CALD1: variants seen among roughly 807,000 people sequenced by gnomAD.
The protein encoded by CALD1 is caldesmon.
Under a neutral mutation model 99.9 loss-of-function variants are expected in CALD1, and 33 were observed. The ratio of observed to expected loss-of-function variants is 0.33; its 90% CI spans 0.25 to 0.44. The LOEUF (loss-of-function observed/expected upper bound fraction) is 0.44. CALD1 is among the 20% of genes least tolerant of loss of function. The pLI is 1.00. For synonymous variants in CALD1, 310 were observed against 325.0 expected (o/e 0.95, Z 0.50); for missense variants, 861 against 962.1 (o/e 0.89, Z 1.39).
chr7:134,963,848 C>T (rs1808460387), intron 13 of CALD1, among the ~76,000 whole-genome samples: 1 of 152,128 alleles, frequency 6.6e-6, no homozygotes, highest in Admixed American at 6.5e-5. Context: ...TCTGAATTAC[C>T]CACTTGCCCC....
intron 9 of CALD1, among the ~76,000 whole-genome samples, chr7:134,957,729 T>TA (rs1342166596): frequency 6.6e-6 from 1 of 152,212 alleles, no homozygotes; most frequent in African/African-American, 2.4e-5. Context: ...CCAATTATGT[T>TA]AGTCTTAAAC....
chr7:134,928,476 G>C (rs1805229630), intron 3 of CALD1, among the ~76,000 whole-genome samples: 1 of 149,202 alleles, frequency 6.7e-6, no homozygotes, highest in South Asian at 2.1e-4. Context: ...AGTTTCCAAA[G>C]GCAACTTGCT....
the CALD1 span, among the ~76,000 whole-genome samples, chr7:134,733,596 C>T: frequency 6.6e-6 from 1 of 151,978 alleles, no homozygotes; most frequent in Non-Finnish European, 1.5e-5. Context: ...ATCATGAGGT[C>T]AGGAGATCGA....
At chr7:134,816,497 C>G (rs2131969650) in intron 1 of CALD1, among the ~76,000 whole-genome samples, 1 of 152,322 alleles carries the variant, frequency 6.6e-6, no homozygotes, top group Non-Finnish European at 1.5e-5. Context: ...CTTATGACAT[C>G]ATTCTTAGAT....
chr7:134,804,140 A>G (rs1365782158), intron 1 of CALD1, among the ~76,000 whole-genome samples: 1 of 152,246 alleles, frequency 6.6e-6, no homozygotes, highest in Non-Finnish European at 1.5e-5. Flanking sequence ...ATAAGGATTT[A>G]GTACATTCAT....
the CALD1 span, among the ~76,000 whole-genome samples, chr7:134,726,971 GC>G: frequency 6.6e-6 from 1 of 152,122 alleles, no homozygotes; most frequent in Non-Finnish European, 1.5e-5. Flanking sequence ...CAGTACTGCC[GC>G]CAACCTCCAG....
intron 11 of CALD1, 58 bp from the exon 12 acceptor site, chr7:134,959,916 T>C (rs932594189): frequency 7.6e-6 from 12 of 1,569,220 alleles, no homozygotes; most frequent in Non-Finnish European, 9.5e-6. Context: ...AAACTCACTA[T>C]AATTTTATGA....
At chr7:134,757,640 G>A (rs894406781) in intron 1 of CALD1, among the ~76,000 whole-genome samples, 1 of 152,046 alleles carries the variant, frequency 6.6e-6, no homozygotes, top group African/African-American at 2.4e-5. Flanking sequence ...CAGCACTTTG[G>A]GAGGCCGAGG....
intron 9 of CALD1, among the ~76,000 whole-genome samples, chr7:134,950,973 A>C (rs1347677971): frequency 6.6e-6 from 1 of 152,068 alleles, no homozygotes; most frequent in Non-Finnish European, 1.5e-5. Flanking sequence ...TTTATCACTC[A>C]CAGTTTTGGA....
chr7:134,921,388 G>A (rs1056620832), intron 3 of CALD1, among the ~76,000 whole-genome samples: 1 of 152,168 alleles, frequency 6.6e-6, no homozygotes, highest in Non-Finnish European at 1.5e-5. Context: ...TAAGATGTTA[G>A]AAACCATTGC....
At chr7:134,876,490 G>A (rs2218989) in intron 3 of CALD1, among the ~76,000 whole-genome samples, 65,267 of 152,034 alleles carry the variant, frequency 0.43, 14,755 homozygotes, top group African/African-American at 0.58. Context: ...TATGGATAAT[G>A]TTTCTAAATA....
chr7:134,797,018 T>TTTTTTTTC (rs151086137), intron 1 of CALD1, among the ~76,000 whole-genome samples: 6 of 152,122 alleles, frequency 3.9e-5, no homozygotes, highest in Non-Finnish European at 7.4e-5. Context: ...AGTAAGAATT[T>TTTTTTTTC]TTTTTTTCTT....
intron 5 of CALD1, among the ~76,000 whole-genome samples, chr7:134,935,137 G>A (rs2132990075): frequency 6.6e-6 from 1 of 152,134 alleles, no homozygotes; most frequent in African/African-American, 2.4e-5. Flanking sequence ...AAATTCATGT[G>A]GCCTGAGGAA....
intron 1 of CALD1, among the ~76,000 whole-genome samples, chr7:134,816,448 G>T (rs1798568593): frequency 6.6e-6 from 1 of 152,140 alleles, no homozygotes; most frequent in Non-Finnish European, 1.5e-5. Flanking sequence ...GTTCCATTTA[G>T]TCTGCAATTT....
chr7:134,756,951 C>T (rs1010807951), intron 1 of CALD1, among the ~76,000 whole-genome samples: 6 of 152,124 alleles, frequency 3.9e-5, no homozygotes, highest in African/African-American at 1.4e-4. Flanking sequence ...ACTTGAAAAC[C>T]GCCACTTACG....
At chr7:134,852,481 T>C (rs962803180) in intron 2 of CALD1, among the ~76,000 whole-genome samples, 1 of 152,144 alleles carries the variant, frequency 6.6e-6, no homozygotes, top group East Asian at 1.9e-4. Context: ...TCATTTTTCC[T>C]GAATAACTCC....
intron 9 of CALD1, among the ~76,000 whole-genome samples, chr7:134,956,831 T>C (rs1250563361): frequency 6.6e-6 from 1 of 152,202 alleles, no homozygotes; most frequent in African/African-American, 2.4e-5. Flanking sequence ...GCTCATGGTA[T>C]TGATAGGTGA....
At chr7:134,732,564 G>C in the CALD1 span, among the ~76,000 whole-genome samples, 1 of 148,376 alleles carries the variant, frequency 6.7e-6, no homozygotes. Context: ...GGATCTGCCA[G>C]TACCTTGATC....
chr7:134,853,589 C>T (rs34610403), intron 2 of CALD1, among the ~76,000 whole-genome samples: 48,416 of 151,974 alleles, frequency 0.32, 9,327 homozygotes, highest in East Asian at 0.72. Flanking sequence ...GTTGATTGCC[C>T]ATCTCCACCA....
Sources: allele counts gnomAD v4.1 joint callset (sites outside exome capture counted in the v4.1 genomes callset), GRCh38; gene constraint gnomAD v4.1.1; transcripts MANE v1.5; gene names NCBI Gene and HGNC (gene_info 2026-07-23, HGNC 2026-07-21).